VWC2: variants seen among roughly 807,000 people sequenced by gnomAD.
The protein encoded by VWC2 is brorin.
In VWC2, 14 loss-of-function variants were observed where a neutral mutation model predicts 29.8. The ratio of observed to expected loss-of-function variants is 0.47; its 90% confidence interval spans 0.31 to 0.74. VWC2 has a LOEUF of 0.74. VWC2 is among the 30% of genes least tolerant of loss of function. VWC2 has a pLI of 0.05. For synonymous variants in VWC2, 213 were observed against 199.0 expected, an observed-to-expected ratio of 1.07 and a Z score of -0.59; for missense variants, 457 against 459.8, an observed-to-expected ratio of 0.99 and a Z score of 0.05.
chr7:49,897,293 C>T (rs1792437716), intron 3 of VWC2, among the ~76,000 whole-genome samples: 1 of 152,176 alleles, frequency 6.6e-6, no homozygotes, highest in Admixed American at 6.5e-5. Flanking sequence ...AATTTCCCAA[C>T]TCATTCCATG....
chr7:49,813,533 A>C (rs1220620901), intron 3 of VWC2, among the ~76,000 whole-genome samples: 1 of 152,144 alleles, frequency 6.6e-6, no homozygotes, highest in African/African-American at 2.4e-5. Flanking sequence ...TTATTCTTGG[A>C]TATTTCCTGC....
intron 3 of VWC2, among the ~76,000 whole-genome samples, chr7:49,891,666 T>C (rs1583766902): frequency 6.6e-6 from 1 of 152,206 alleles, no homozygotes; most frequent in Non-Finnish European, 1.5e-5. Context: ...CTGGAGTTCT[T>C]ATATACTGAT....
chr7:49,830,459 A>T (rs1481896491), intron 3 of VWC2, among the ~76,000 whole-genome samples: 1 of 152,060 alleles, frequency 6.6e-6, no homozygotes, highest in Non-Finnish European at 1.5e-5. Flanking sequence ...ATTCCTGTCC[A>T]CAGTCTGATG....
intron 3 of VWC2, among the ~76,000 whole-genome samples, chr7:49,876,463 T>A (rs576360846): frequency 6.6e-6 from 1 of 152,162 alleles, no homozygotes; most frequent in African/African-American, 2.4e-5. Context: ...ATTAACTGTA[T>A]GTAAAAGCTC....
intron 3 of VWC2, among the ~76,000 whole-genome samples, chr7:49,858,692 T>TA (rs1790527735): frequency 6.6e-6 from 1 of 150,470 alleles, no homozygotes; most frequent in Non-Finnish European, 1.5e-5. Context: ...CCCTAAAACT[T>TA]AAAGTATAAT....
intron 3 of VWC2, among the ~76,000 whole-genome samples, chr7:49,860,804 TAAG>T (rs1790619344): frequency 2.0e-5 from 3 of 152,146 alleles, no homozygotes; most frequent in Admixed American, 1.3e-4. Context: ...GGTCTCCCTA[TAAG>T]AAGAAGAGAC....
intron 3 of VWC2, among the ~76,000 whole-genome samples, chr7:49,887,064 G>C (rs1362397385): frequency 6.6e-6 from 1 of 151,964 alleles, no homozygotes; most frequent in African/African-American, 2.4e-5. Context: ...ATTCCTCTGT[G>C]ATGTCTTTGC....
chr7:49,891,710 C>T (rs564132597), intron 3 of VWC2, among the ~76,000 whole-genome samples: 36 of 152,292 alleles, frequency 2.4e-4, no homozygotes, highest in African/African-American at 8.7e-4. Flanking sequence ...ACATTTATTG[C>T]TTTCTGCTAC....
intron 3 of VWC2, among the ~76,000 whole-genome samples, chr7:49,821,088 T>C (rs1789253015): frequency 6.6e-6 from 1 of 152,246 alleles, no homozygotes; most frequent in Admixed American, 6.5e-5. Context: ...ACTCATTCTA[T>C]GAACTTTTCC....
At chr7:49,832,829 G>T (rs1379059539) in intron 3 of VWC2, among the ~76,000 whole-genome samples, 4 of 152,186 alleles carry the variant, frequency 2.6e-5, no homozygotes, top group African/African-American at 9.7e-5. Context: ...CTGTCCAGTT[G>T]TCATTTAGCT....
intron 3 of VWC2, among the ~76,000 whole-genome samples, chr7:49,876,813 C>T (rs1425182795): frequency 1.3e-5 from 2 of 151,884 alleles, no homozygotes; most frequent in African/African-American, 4.8e-5. Flanking sequence ...TAATTACAGT[C>T]GTGGAGTTGC....
chr7:49,788,905 T>C (rs1788377319), intron 2 of VWC2, among the ~76,000 whole-genome samples: 1 of 137,002 alleles, frequency 7.3e-6, no homozygotes, highest in South Asian at 2.4e-4. Flanking sequence ...TGAGTGTGGG[T>C]GTGAGAGTGT....
rs572595089 is a variant in VWC2 at position 49,805,940 on chromosome 7, G to A, written c.826+3100G>A. Among the ~76,000 whole-genome samples the A allele has an allele frequency of 2.0e-5, 3 of 152,312 alleles. No homozygotes were observed. The East Asian group carries it at 5.8e-4, about 29-fold the overall frequency. ...TGCCAAAGTCACTTGCATCAAAGGAGCAGAAGTTGGAAACCAAGAATGCCT... is the reference window on the plus strand; with the variant it reads ...TGCCAAAGTCACTTGCATCAAAGGAACAGAAGTTGGAAACCAAGAATGCCT... On this transcript the variant is annotated intron_variant, in intron 3 of 3. Coordinates refer to ENST00000340652, the MANE Select transcript of VWC2 (RefSeq NM_198570.5).
intron 3 of VWC2, among the ~76,000 whole-genome samples, chr7:49,859,148 A>G (rs1310366917): frequency 6.6e-6 from 1 of 152,206 alleles, no homozygotes; most frequent in East Asian, 1.9e-4. Context: ...TGTGTCTTCA[A>G]CGTTACTCAG....
chr7:49,906,761 T>C (rs1793119958), intron 3 of VWC2, among the ~76,000 whole-genome samples: 1 of 152,246 alleles, frequency 6.6e-6, no homozygotes, highest in Non-Finnish European at 1.5e-5. Flanking sequence ...TCACCCCAAC[T>C]TTCTTATGTG....
intron 3 of VWC2, among the ~76,000 whole-genome samples, chr7:49,863,941 GTTGTTTTAAAATATTTTTTCTTTATT>G (rs1271183352): frequency 3.3e-5 from 5 of 152,024 alleles, no homozygotes; most frequent in Non-Finnish European, 7.4e-5. Flanking sequence ...GTTTTCGTAT[GTTGTTTTAAAATATTTTTTCTTTATT>G]TTGTTTTAAA....
intron 3 of VWC2, among the ~76,000 whole-genome samples, chr7:49,909,716 G>A (rs1360139602): frequency 2.0e-5 from 3 of 152,164 alleles, no homozygotes; most frequent in African/African-American, 7.2e-5. Context: ...AAATTTGGGA[G>A]TCATTGCCAG....
intron 3 of VWC2, among the ~76,000 whole-genome samples, chr7:49,862,543 A>G (rs766389517): frequency 6.6e-6 from 1 of 152,034 alleles, no homozygotes; most frequent in Non-Finnish European, 1.5e-5. Flanking sequence ...TCTTGTTCCT[A>G]TTTTAGGGGG....
At chr7:49,881,915 A>G (rs928595398) in intron 3 of VWC2, among the ~76,000 whole-genome samples, 2 of 152,080 alleles carry the variant, frequency 1.3e-5, no homozygotes, top group African/African-American at 4.8e-5. Context: ...TCAATTTCCA[A>G]TTAATTAAAA....
Sources: allele counts gnomAD v4.1 joint callset (sites outside exome capture counted in the v4.1 genomes callset), GRCh38; gene constraint gnomAD v4.1.1; transcripts MANE v1.5; gene names NCBI Gene and HGNC (gene_info 2026-07-23, HGNC 2026-07-21).